The following SENP5 variants were observed in gnomAD, a reference collection of about 807,000 sequenced individuals.
SENP5 encodes SUMO specific peptidase 5.
In SENP5, 21 loss-of-function variants were observed where a neutral mutation model predicts 74.2. That is an observed-to-expected ratio of 0.28 (90% CI 0.20 to 0.41). The LOEUF (loss-of-function observed/expected upper bound fraction) is 0.41. Ranked by LOEUF, SENP5 falls within the 10% of genes least tolerant of loss-of-function variation. The pLI is 1.00. For missense variants in SENP5, 717 were observed against 889.1 expected (o/e 0.81, Z 2.46); for synonymous variants, 311 against 312.7 (o/e 0.99, Z 0.06).
chr3:196,879,090 T>C (rs111804864), intron 1 of SENP5, among the ~76,000 whole-genome samples: 5 of 152,336 alleles, frequency 3.3e-5, no homozygotes, highest in African/African-American at 1.2e-4. Context: ...CCAGGTGAGA[T>C]AATTCTTCAT....
intron 1 of SENP5, among the ~76,000 whole-genome samples, chr3:196,872,870 A>T (rs890421703): frequency 3.9e-5 from 6 of 152,266 alleles, no homozygotes; most frequent in African/African-American, 1.4e-4. Flanking sequence ...TCTAGAGAAG[A>T]AGACTCCAGG....
intron 6 of SENP5, among the ~76,000 whole-genome samples, chr3:196,904,704 G>A (rs761473909): frequency 6.6e-6 from 1 of 152,182 alleles, no homozygotes; most frequent in African/African-American, 2.4e-5. Flanking sequence ...TGGGAGAATC[G>A]CTTGAACATG....
chr3:196,931,571 G>T lies in SENP5; in HGVS notation c.*648G>T, dbSNP rs921181869. The T allele has an allele frequency of 1.2e-5, 3 of 256,176 alleles. No individual in the cohort carries two copies. Among genetic ancestry groups the T allele is most frequent in the African/African-American group, 2.4e-5 (1 of 42,544 alleles). The allele number at this position is 256,176 out of a possible 1,614,324, so 15.9% of individuals were successfully genotyped here. A position where few individuals can be genotyped will look rare whatever the true frequency, so the allele number is the denominator to read the frequency against. The stretch of plus-strand genomic sequence containing the variant: ...CAGTGGCTGCTTTGGGAGGAGTAAG[G>T]TGTGAGAAAAAGCAACCTTGGAGGC... On this transcript the variant is annotated 3_prime_UTR_variant, in exon 10 of 10. Coordinates refer to ENST00000323460, the MANE Select transcript of SENP5 (RefSeq NM_152699.5).
At chr3:196,883,952 A>G (rs1027034059) in intron 1 of SENP5, among the ~76,000 whole-genome samples, 2 of 152,128 alleles carry the variant, frequency 1.3e-5, no homozygotes, top group African/African-American at 4.8e-5. Flanking sequence ...TCGGCTTCCC[A>G]AAGTGCTGGG....
At chr3:196,909,343 G>A (rs1304019795) in intron 6 of SENP5, among the ~76,000 whole-genome samples, 4 of 152,218 alleles carry the variant, frequency 2.6e-5, no homozygotes, top group African/African-American at 4.8e-5. Context: ...ACAAAGAGGA[G>A]CTGATACCAT....
chr3:196,880,711 G>A (rs923184735), intron 1 of SENP5, among the ~76,000 whole-genome samples: 1 of 135,580 alleles, frequency 7.4e-6, no homozygotes, highest in Non-Finnish European at 1.5e-5. Context: ...GCGTGATTTC[G>A]GCTCACTGTC....
chr3:196,894,116 G>GTTTTT (rs34480422), intron 2 of SENP5, among the ~76,000 whole-genome samples: 3 of 93,204 alleles, frequency 3.2e-5, no homozygotes, highest in Non-Finnish European at 4.2e-5. Context: ...TATTAATGTG[G>GTTTTT]TTTTTTTTTT....
intron 5 of SENP5, among the ~76,000 whole-genome samples, chr3:196,900,730 C>T (rs1261434847): frequency 4.0e-5 from 6 of 151,858 alleles, no homozygotes; most frequent in African/African-American, 1.4e-4. Context: ...GGATTATAGG[C>T]ATGTGCCACC....
chr3:196,910,754 C>G (rs1338395348), intron 6 of SENP5, among the ~76,000 whole-genome samples: 1 of 152,094 alleles, frequency 6.6e-6, no homozygotes, highest in Admixed American at 6.6e-5. Flanking sequence ...AAAAAAGAGC[C>G]TGTATAGCCA....
Position 196,934,107 on chromosome 3 carries a change from A to C in SENP5, c.*3184A>C, listed in dbSNP as rs888970104. 1 of 152,206 alleles carries C rather than the reference A, an allele frequency of 6.6e-6. No homozygotes were observed. Among genetic ancestry groups the C allele is most frequent in the Non-Finnish European group, 1.5e-5 (1 of 68,048 alleles). The allele number at this position is 152,206 out of a possible 1,614,324, so 9.4% of individuals were successfully genotyped here. ...TTAGTTACGTTCTCTCAAGAATCCT[A>C]ATCAACTTTCAGTTAGCCTCTTAAG... On this transcript the variant is annotated 3_prime_UTR_variant, in exon 10 of 10. Transcript: ENST00000323460.
chr3:196,914,580 A>ATATATATATAT (rs1346805512), intron 6 of SENP5: 7 of 70,140 alleles, frequency 1.0e-4, no homozygotes, highest in African/African-American at 2.5e-4. Context: ...AAAAAAAAAA[A>ATATATATATAT]AAAAAAATAT....
Position 196,923,353 on chromosome 3 carries a change from G to T in SENP5, c.1885-61G>T. 6.5e-6 allele frequency: 10 copies of T among 1,538,712 alleles called. No homozygotes were observed. In the South Asian group the frequency reaches 1.1e-4, roughly 17 times the overall value. On this transcript the variant is annotated intron_variant, in intron 6 of 9. Transcript: ENST00000323460. ...AAAGGTCAGCAAATGGAAGCTGCTG[G>T]TTTTTGGTGGTTTGGATAGCCTGTG...
At chr3:196,913,574 A>C (rs1189064471) in intron 6 of SENP5, among the ~76,000 whole-genome samples, 1 of 151,310 alleles carries the variant, frequency 6.6e-6, no homozygotes, top group African/African-American at 2.4e-5. Flanking sequence ...ATCTCAAAAA[A>C]AAAAAACAAA....
chr3:196,905,119 C>CT (rs1201260877), intron 6 of SENP5: 4 of 152,184 alleles, frequency 2.6e-5, no homozygotes, highest in Admixed American at 6.5e-5. Flanking sequence ...AGGCTGGTCT[C>CT]TAACTCCTGA....
At chr3:196,911,656 G>A (rs1665296606) in intron 6 of SENP5, among the ~76,000 whole-genome samples, 1 of 145,812 alleles carries the variant, frequency 6.9e-6, no homozygotes, top group African/African-American at 2.4e-5. Flanking sequence ...AGCACTTTGG[G>A]AAGCTGAGGC....
rs373473367 is a variant in SENP5 at position 196,905,994 on chromosome 3, C to T, written c.1884+2384C>T. ...CAGCACTTTGGAAGTCTGAGGCAGGCAGATCACTTGAGGTCAGGAGTTCAA... is the reference window on the plus strand; with the variant it reads ...CAGCACTTTGGAAGTCTGAGGCAGGTAGATCACTTGAGGTCAGGAGTTCAA... On this transcript the variant is annotated intron_variant, in intron 6 of 9. Coordinates refer to ENST00000323460, the MANE Select transcript of SENP5 (RefSeq NM_152699.5). 1.2e-4 allele frequency among the ~76,000 whole-genome samples: 19 copies of T among 152,232 alleles called. No homozygotes were observed. The East Asian group carries it at 2.1e-3, about 17-fold the overall frequency.
At position 196,932,728 on chromosome 3, in the gene SENP5, A is replaced by ATTTTTTT. The variant is rs142043217; in HGVS notation, c.*1827_*1833dup. The ATTTTTTT allele has an allele frequency of 1.3e-4, 11 of 81,714 alleles. 1 individual carries two copies. In the East Asian group the frequency reaches 2.0e-3, roughly 15 times the overall value. The allele number at this position is 81,714 out of a possible 1,614,324, so 5.1% of individuals were successfully genotyped here. On this transcript the variant is annotated 3_prime_UTR_variant, in exon 10 of 10. Transcript: ENST00000323460. ...AAAACATGCCAGAAATTTGCCTCTG[A>ATTTTTTT]TTTTTTTTTTTTTTTTTTTTTTTTT...
At chr3:196,871,756 G>C (rs1392034464) in intron 1 of SENP5, among the ~76,000 whole-genome samples, 1 of 151,652 alleles carries the variant, frequency 6.6e-6, no homozygotes, top group African/African-American at 2.4e-5. Context: ...TCAGGAGGCT[G>C]AGGCAGGAGA....
chr3:196,926,519 T>C (rs1715819406), intron 7 of SENP5, among the ~76,000 whole-genome samples: 1 of 152,062 alleles, frequency 6.6e-6, no homozygotes, highest in Non-Finnish European at 1.5e-5. Flanking sequence ...TACTGCTTAT[T>C]CTGAGAACTT....
Sources: allele counts gnomAD v4.1 joint callset (sites outside exome capture counted in the v4.1 genomes callset), GRCh38; gene constraint gnomAD v4.1.1; transcripts MANE v1.5; gene names NCBI Gene and HGNC (gene_info 2026-07-23, HGNC 2026-07-21).